PCDH11X: variants seen among roughly 807,000 people sequenced by gnomAD.
PCDH11X encodes protocadherin-11 X-linked.
Under a neutral mutation model 53.3 loss-of-function variants are expected in PCDH11X, and 18 were observed. The ratio of observed to expected loss-of-function variants is 0.34; its 90% CI spans 0.23 to 0.50. The LOEUF (loss-of-function observed/expected upper bound fraction) is 0.50. Ranked by LOEUF, PCDH11X falls within the 20% of genes least tolerant of loss-of-function variation. The probability of loss-of-function intolerance (pLI) is 0.98; values close to 1 mark genes in which losing one functional copy is unlikely to be tolerated. For synonymous variants in PCDH11X, 279 were observed against 393.3 expected, an observed-to-expected ratio of 0.71 and a Z score of 3.44; for missense variants, 570 against 1,032.4, an observed-to-expected ratio of 0.55 and a Z score of 6.14.
rs749559675 is a variant in PCDH11X, at chrX:92,530,652, A to G, written c.3367+62330A>G. ...GGAATGCTTCAGCCACAAATATTCC[A>G]AAGATATAATATTTTATCACCTGGG... On this transcript the variant is annotated intron_variant, in intron 10 of 10. Coordinates refer to ENST00000682573, the MANE Select transcript of PCDH11X (RefSeq NM_032968.5). Among the ~76,000 whole-genome samples the G allele has an allele frequency of 4.4e-5, 5 of 112,507 alleles. No individual in the cohort carries two copies. The East Asian group carries it at 8.4e-4, about 19-fold the overall frequency.
At chrX:91,954,129 C>T (rs533243795) in intron 6 of PCDH11X, among the ~76,000 whole-genome samples, 3 of 109,489 alleles carry the variant, frequency 2.7e-5, no homozygotes, top group African/African-American at 6.7e-5. Context: ...CCCCCTACCA[C>T]GACAGGCCCC....
intron 6 of PCDH11X, among the ~76,000 whole-genome samples, chrX:91,885,427 A>G (rs1940151472): frequency 9.0e-6 from 1 of 110,989 alleles, no homozygotes; most frequent in Non-Finnish European, 1.9e-5. Context: ...CAAAATCTAC[A>G]GTCTCAATTT....
Position 92,066,071 on chromosome X carries a change from G to A in PCDH11X, c.3034-135304G>A, listed in dbSNP as rs545581144. Among the ~76,000 whole-genome samples, 986 of 103,053 alleles carry A rather than the reference G, an allele frequency of 9.6e-3. 3 individuals carry two copies. Among genetic ancestry groups the A allele is most frequent in the Non-Finnish European group, 0.013 (670 of 50,971 alleles). 89.5% of individuals were successfully genotyped at this position (103,053 alleles called of 115,157 possible). On this transcript the variant is annotated intron_variant, in intron 6 of 10. Transcript: ENST00000682573. ...GATCAAGTTTCATTCTTCTGACTACGAATATCCAGTTTTTCCAGCATCATC... is the reference window on the plus strand; with the variant it reads ...GATCAAGTTTCATTCTTCTGACTACAAATATCCAGTTTTTCCAGCATCATC...
chrX:92,391,515 G>A (rs1437370593), intron 9 of PCDH11X, among the ~76,000 whole-genome samples: 1 of 111,009 alleles, frequency 9.0e-6, no homozygotes, highest in Admixed American at 9.7e-5. Context: ...TTATTTTTAA[G>A]TAGTCTCAGG....
chrX:92,599,020 A>G (rs1478965077), intron 10 of PCDH11X, among the ~76,000 whole-genome samples: 1 of 111,019 alleles, frequency 9.0e-6, no homozygotes, highest in African/African-American at 3.3e-5. Context: ...AGTGTAGGAT[A>G]TGATTACCAG....
intron 6 of PCDH11X, among the ~76,000 whole-genome samples, chrX:91,902,252 CT>C (rs1242511890): frequency 1.8e-5 from 2 of 110,412 alleles, no homozygotes; most frequent in Non-Finnish European, 3.8e-5. Flanking sequence ...ACATCTTAAT[CT>C]AGTCTCTATC....
intron 6 of PCDH11X, among the ~76,000 whole-genome samples, chrX:92,014,006 T>C (rs1436962461): frequency 9.0e-6 from 1 of 111,536 alleles, no homozygotes; most frequent in Admixed American, 9.5e-5. Context: ...CCAAAAGCAA[T>C]GGCAACAAAA....
At chrX:92,332,252 C>T (rs745525074) in intron 8 of PCDH11X, among the ~76,000 whole-genome samples, 2 of 112,026 alleles carry the variant, frequency 1.8e-5, no homozygotes, top group African/African-American at 6.5e-5. Flanking sequence ...AAGTAAATAC[C>T]TTTCTAATGA....
intron 10 of PCDH11X, among the ~76,000 whole-genome samples, chrX:92,617,859 C>G (rs1928151029): frequency 1.8e-5 from 2 of 110,853 alleles, no homozygotes; most frequent in African/African-American, 6.5e-5. Flanking sequence ...TATTTTTTAG[C>G]TATAATTAGT....
chrX:92,132,689 A>ATG (rs1569376872), intron 6 of PCDH11X, among the ~76,000 whole-genome samples: 1 of 65,335 alleles, frequency 1.5e-5, no homozygotes, highest in African/African-American at 7.6e-5. Flanking sequence ...ATATATATGT[A>ATG]TATATATATA....
At chrX:92,548,143 AT>A (rs745393424) in intron 10 of PCDH11X, among the ~76,000 whole-genome samples, 11 of 107,917 alleles carry the variant, frequency 1.0e-4, no homozygotes, top group Middle Eastern at 4.9e-3. Flanking sequence ...CTGCAATTCT[AT>A]TTTTTTTAAT....
intron 6 of PCDH11X, among the ~76,000 whole-genome samples, chrX:92,111,153 G>T (rs1317983419): frequency 1.6e-4 from 15 of 91,340 alleles, no homozygotes; most frequent in African/African-American, 6.3e-4. Flanking sequence ...TGTAGGTTTG[G>T]AGAATATGAA....
chrX:92,091,612 T>C (rs1002316854), intron 6 of PCDH11X, among the ~76,000 whole-genome samples: 2 of 111,246 alleles, frequency 1.8e-5, no homozygotes, highest in Admixed American at 9.6e-5. Context: ...AAGAAATACA[T>C]TGGCTTGGTT....
chrX:91,895,382 G>A (rs1188711353), intron 6 of PCDH11X, among the ~76,000 whole-genome samples: 1 of 111,378 alleles, frequency 9.0e-6, no homozygotes, highest in Non-Finnish European at 1.9e-5. Context: ...GGGAGAGGGT[G>A]CTAGTGCTGA....
intron 6 of PCDH11X, among the ~76,000 whole-genome samples, chrX:92,124,267 C>T (rs2064822443): frequency 9.0e-6 from 1 of 110,722 alleles, no homozygotes; most frequent in Non-Finnish European, 1.9e-5. Flanking sequence ...CTAGTACAAG[C>T]CAGGTGTGGT....
intron 7 of PCDH11X, among the ~76,000 whole-genome samples, chrX:92,250,227 T>C (rs1196253017): frequency 2.7e-5 from 3 of 111,236 alleles, no homozygotes; most frequent in Non-Finnish European, 5.7e-5. Context: ...CTGCCTATAG[T>C]CTTTAAAAAT....
At chrX:92,412,552 TATAG>T (rs1372159068) in intron 9 of PCDH11X, among the ~76,000 whole-genome samples, 23 of 85,799 alleles carry the variant, frequency 2.7e-4, no homozygotes, top group Non-Finnish European at 4.4e-4. Flanking sequence ...TATATATATA[TATAG>T]ATAAAGAGGT....
intron 6 of PCDH11X, among the ~76,000 whole-genome samples, chrX:91,909,189 GT>G (rs1941292318): frequency 9.0e-6 from 1 of 111,224 alleles, no homozygotes; most frequent in Non-Finnish European, 1.9e-5. Context: ...TTAAAGTGGA[GT>G]CAAAATTTGA....
At chrX:91,881,011 G>T (rs1278937043) in intron 6 of PCDH11X, among the ~76,000 whole-genome samples, 2 of 111,217 alleles carry the variant, frequency 1.8e-5, no homozygotes, top group Non-Finnish European at 3.8e-5. Context: ...GTGGGTTTGT[G>T]AATTACATAT....
Sources: gnomAD v4.1 joint callset for allele counts (sites outside exome capture counted in the v4.1 genomes callset) on GRCh38, gnomAD v4.1.1 for gene constraint, MANE v1.5 for transcripts, NCBI Gene and HGNC (gene_info 2026-07-23, HGNC 2026-07-21) for gene names.